The following SIGLEC1 variants were observed in gnomAD, a reference collection of about 807,000 sequenced individuals.
The protein encoded by SIGLEC1 is sialic acid binding Ig like lectin 1.
In SIGLEC1, 132 loss-of-function variants were observed where a neutral mutation model predicts 148.0. The ratio of observed to expected loss-of-function variants is 0.89; its 90% CI spans 0.77 to 1.03. The LOEUF is 1.03. Ranked by LOEUF, SIGLEC1 falls within the 50% of genes least tolerant of loss-of-function variation. The pLI, the probability that SIGLEC1 is intolerant of heterozygous loss-of-function variation, is 0.00. For synonymous variants in SIGLEC1, 945 were observed against 969.0 expected (o/e 0.98, Z 0.46); for missense variants, 2,253 against 2,271.4 (o/e 0.99, Z 0.16).
intron 7 of SIGLEC1, among the ~76,000 whole-genome samples, chr20:3,699,834 T>G (rs370955264): frequency 6.6e-6 from 1 of 151,390 alleles, no homozygotes; most frequent in Non-Finnish European, 1.5e-5. Context: ...TTTTTGAGAC[T>G]GAGTCTCACT....
chr20:3,691,334 A>T lies in SIGLEC1; in HGVS notation c.4591+6T>A. The T allele has an allele frequency of 6.2e-7, 1 of 1,613,134 alleles. No individual in the cohort carries two copies. Among genetic ancestry groups the T allele is most frequent in the Non-Finnish European group, 8.5e-7 (1 of 1,179,754 alleles). The stretch of plus-strand genomic sequence containing the variant: ...GACTAAGGCGGAGGAGGGGGTTCAC[A>T]CTCACAGAGCACACGGAGCATGACT... On this transcript the variant is annotated splice_donor_region_variant and intron_variant, in intron 18 of 21. Transcript: ENST00000344754.
chr20:3,704,123 G>A (rs1568846338), intron 4 of SIGLEC1, 32 bp from the exon 5 acceptor site: 2 of 1,593,498 alleles, frequency 1.3e-6, no homozygotes, highest in Non-Finnish European at 8.6e-7. Context: ...ATTGGGTAAG[G>A]TGCTTGGGGA....
At position 3,687,157 on chromosome 20, in the gene SIGLEC1, C is replaced by CT. The variant is rs1372222780; in HGVS notation, c.*1402dup. The CT allele has an allele frequency of 3.9e-5, 6 of 152,270 alleles. No homozygotes were observed. Among genetic ancestry groups the CT allele is most frequent in the African/African-American group, 1.4e-4 (6 of 41,472 alleles). 9.4% of individuals were successfully genotyped at this position (152,270 alleles called of 1,614,324 possible). Reference sequence around the variant, plus strand: ...CTGTGGCAACTCCCCACTTCTCTCTCTGTTTTTCAACCCAAATCCTAGAGC... The same window carrying CT: ...CTGTGGCAACTCCCCACTTCTCTCTCTTGTTTTTCAACCCAAATCCTAGAGC... On this transcript the variant is annotated 3_prime_UTR_variant, in exon 22 of 22. Coordinates refer to ENST00000344754, the MANE Select transcript of SIGLEC1 (RefSeq NM_023068.4).
rs1353501617 is a variant in SIGLEC1 at position 3,689,942 on chromosome 20, A to G, written c.4894+20T>C. On this transcript the variant is annotated intron_variant, in intron 19 of 21. Coordinates refer to ENST00000344754, the MANE Select transcript of SIGLEC1 (RefSeq NM_023068.4). ...GCTTTTGTGCAGAGTGGCCTGGGAGATGGAGCCCCCTCCCCTCACCTCTGA... is the reference window on the plus strand; with the variant it reads ...GCTTTTGTGCAGAGTGGCCTGGGAGGTGGAGCCCCCTCCCCTCACCTCTGA... 1.3e-6 allele frequency: 2 copies of G among 1,596,414 alleles called. No homozygotes were observed. Among genetic ancestry groups the G allele is most frequent in the South Asian group, 1.1e-5 (1 of 89,292 alleles).
chr20:3,691,568 C>T lies in SIGLEC1; in HGVS notation c.4363G>A (p.Val1455Met), dbSNP rs1357604107. The change falls in exon 18 of 22, where the codon GTG becomes ATG. Residue 1455 changes from valine to methionine, a missense_variant. Coordinates refer to ENST00000344754, the MANE Select transcript of SIGLEC1 (RefSeq NM_023068.4). ...AGGTTCAGGGCAGCGCCCTCAGGCA[C>T]GTCCAGGCCAGGCTCTGCCACCACG... The part of the protein sequence containing the change: ...ARVVAEPGLD[V>M]PEGAALNLSC... 24 of 1,612,784 alleles carry T rather than the reference C, an allele frequency of 1.5e-5. No homozygotes were observed. The highest frequency in any genetic ancestry group is 1.9e-5 in the Non-Finnish European group (23 of 1,179,954).
rs780457145 is a variant in SIGLEC1, at chr20:3,701,525, C to T, written c.1345G>A (p.Gly449Ser). ...PLATLVLSHG[G>S]HILASTSGDS... ...CCGGAGGTGGAGGCCAGGATATGAC[C>T]CCCATGTGACAGCACCAGTGTGGCC... Residue 449 changes from glycine to serine, a missense_variant, in exon 7 of 22, where the codon GGT becomes AGT. Transcript: ENST00000344754. The T allele has an allele frequency of 8.1e-6, 13 of 1,613,790 alleles. No individual in the cohort carries two copies. Among genetic ancestry groups the T allele is most frequent in the Admixed American group, 3.3e-5 (2 of 59,998 alleles).
chr20:3,697,101 C>G lies in SIGLEC1; in HGVS notation c.2364G>C (p.Val788=), dbSNP rs1254037564. The stretch of plus-strand genomic sequence containing the variant: ...GTCACCCACAGAGTACACTCAGGAG[C>G]ACGGGAGTGGAGAGCTGGGCACCAG... The part of the protein sequence containing the change: ...TEAGAQLSTP[V]LLSVLYPPDR... Residue 788 remains valine (V), a synonymous_variant, in exon 10 of 22, where the codon GTG becomes GTC. Coordinates refer to ENST00000344754, the MANE Select transcript of SIGLEC1 (RefSeq NM_023068.4). The G allele has an allele frequency of 6.2e-7, 1 of 1,611,998 alleles. No individual in the cohort carries two copies. The highest frequency in any genetic ancestry group is 8.5e-7 in the Non-Finnish European group (1 of 1,180,002).
intron 1 of SIGLEC1, among the ~76,000 whole-genome samples, chr20:3,708,962 C>T (rs1368646820): frequency 6.8e-6 from 1 of 147,776 alleles, no homozygotes; most frequent in Non-Finnish European, 1.5e-5. Context: ...GGAGAATCAC[C>T]TGAACCCAGG....
chr20:3,696,636 G>A lies in SIGLEC1; in HGVS notation c.2633C>T (p.Ala878Val), dbSNP rs748906716. ...LGDSGSYRCE[A>V]TNVLGSSNTS... ...GTTGGATGATCCAAGAACATTTGTGGCCTCACAGCGGTAGCTGCCAGAGTC... is the reference window on the plus strand; with the variant it reads ...GTTGGATGATCCAAGAACATTTGTGACCTCACAGCGGTAGCTGCCAGAGTC... The change falls in exon 11 of 22, where the codon GCC (alanine) becomes GTC (valine). Residue 878 changes from alanine (A) to valine (V), a missense_variant. Physicochemically the swap from Ala to Val is moderately conservative, Grantham distance 64. Transcript: ENST00000344754. 4.3e-6 allele frequency: 7 copies of A among 1,613,544 alleles called. No homozygotes were observed. The highest frequency in any genetic ancestry group is 5.9e-6 in the Non-Finnish European group (7 of 1,179,940).
intron 5 of SIGLEC1, 136 bp from the exon 6 acceptor site, chr20:3,703,587 CT>C: frequency 8.2e-7 from 1 of 1,213,750 alleles, no homozygotes; most frequent in Non-Finnish European, 1.1e-6. Flanking sequence ...ACAGGGGAGC[CT>C]CCTGGAGTGC....
chr20:3,694,262 G>A lies in SIGLEC1; in HGVS notation c.3215C>T (p.Thr1072Ile). The A allele has an allele frequency of 6.2e-7, 1 of 1,612,710 alleles. No individual in the cohort carries two copies. Among genetic ancestry groups the A allele is most frequent in the Non-Finnish European group, 8.5e-7 (1 of 1,179,938 alleles). The change falls in exon 13 of 22, where the codon ACC (threonine) becomes ATC (isoleucine). Residue 1072 changes from threonine (T) to isoleucine (I), a missense_variant. Transcript: ENST00000344754. ...AGCTGAGGCCGAGGCCTGGCCCAGGGTGTTGGAGGCCTCACAGATATAGAC... is the reference window on the plus strand; with the variant it reads ...AGCTGAGGCCGAGGCCTGGCCCAGGATGTTGGAGGCCTCACAGATATAGAC... ...EGVYICEASN[T>I]LGQASASADF...
At chr20:3,706,097 G>T in intron 3 of SIGLEC1, 57 bp from the exon 4 acceptor site, 2 of 1,552,446 alleles carry the variant, frequency 1.3e-6, no homozygotes, top group Non-Finnish European at 1.8e-6. Context: ...GAGATCCCTC[G>T]CCCTGGAAAC....
At chr20:3,691,240 C>T (rs2088757494) in intron 18 of SIGLEC1, 100 bp downstream of exon 18, 2 of 1,463,980 alleles carry the variant, frequency 1.4e-6, no homozygotes, top group Admixed American at 3.5e-5. Flanking sequence ...GACTCAATAT[C>T]CGTGAAGCCT....
At chr20:3,708,186 C>T (rs1347077165) in intron 1 of SIGLEC1, among the ~76,000 whole-genome samples, 4 of 152,038 alleles carry the variant, frequency 2.6e-5, no homozygotes, top group East Asian at 1.9e-4. Flanking sequence ...AGCATGAGAG[C>T]GCTGTGGAAC....
chr20:3,711,401 A>G (rs1271017382), intron 1 of SIGLEC1, among the ~76,000 whole-genome samples: 2 of 152,100 alleles, frequency 1.3e-5, no homozygotes, highest in South Asian at 4.2e-4. Flanking sequence ...TGGGGCCCCA[A>G]GTCCCTGACC....
At position 3,698,120 on chromosome 20, in the gene SIGLEC1, T is replaced by C. The variant is rs185985671; in HGVS notation, c.1800A>G (p.Gln600=). 966 of 1,597,502 alleles carry C rather than the reference T, an allele frequency of 6.0e-4. 8 individuals carry two copies. In the East Asian group the frequency reaches 0.018, roughly 31 times the overall value. ...GGTCCAGCCTGGTGGTGAATGTTGG[T>C]TGTCGAGGGGGGTCTGCAGGGAGGA... ...AVLTVLYPPR[Q]PTFTTRLDLD... is the part of the protein sequence containing the mutation. Residue 600 remains glutamine, a synonymous_variant, in exon 9 of 22, where the codon CAA becomes CAG. Transcript: ENST00000344754.
chr20:3,691,303 T>A (rs1475509143), intron 18 of SIGLEC1, 37 bp downstream of exon 18: 1 of 1,608,422 alleles, frequency 6.2e-7, no homozygotes, highest in Non-Finnish European at 8.5e-7. Flanking sequence ...GTGTGAGATG[T>A]GGGGAGACTA....
chr20:3,694,289 C>G lies in SIGLEC1; in HGVS notation c.3188G>C (p.Gly1063Ala). 1 of 1,613,008 alleles carries G rather than the reference C, an allele frequency of 6.2e-7. No homozygotes were observed. Among genetic ancestry groups the G allele is most frequent in the Non-Finnish European group, 8.5e-7 (1 of 1,180,014 alleles). The change falls in exon 13 of 22, where the codon GGT (glycine) becomes GCT (alanine). Residue 1063 changes from glycine to alanine, a missense_variant. By Grantham distance (60) the Gly-to-Ala change is moderately conservative. Coordinates refer to ENST00000344754, the MANE Select transcript of SIGLEC1 (RefSeq NM_023068.4). The part of the protein sequence containing the change: ...EIHGAMLEDE[G>A]VYICEASNTL... ...GTTGGAGGCCTCACAGATATAGACA[C>G]CCTCATCCTCCAGCATAGCCCCGTG... is the stretch of plus-strand genomic sequence containing the variant.
At position 3,710,749 on chromosome 20, in the gene SIGLEC1, T is replaced by C. The variant is rs1318445054; in HGVS notation, c.-110+1721A>G. ...ACCTGATGGAAGAATGGTGGGGTTC[T>C]GGACACAGCGACCCTGGAACAGGGC... On this transcript the variant is annotated intron_variant, in intron 1 of 21. Transcript: ENST00000344754. This position sits in a 1 kb window ranked among gnomAD's most constrained non-coding sequence, Gnocchi z 4.6. Among the ~76,000 whole-genome samples, 1 of 152,218 alleles carries C rather than the reference T, an allele frequency of 6.6e-6. No individual in the cohort carries two copies. Among genetic ancestry groups the C allele is most frequent in the Non-Finnish European group, 1.5e-5 (1 of 68,038 alleles).
Sources: allele counts gnomAD v4.1 joint callset (sites outside exome capture counted in the v4.1 genomes callset), GRCh38; gene constraint gnomAD v4.1.1; non-coding constraint Gnocchi (gnomAD v3.1); transcripts MANE v1.5; gene names NCBI Gene and HGNC (gene_info 2026-07-23, HGNC 2026-07-21).